Variants in ATG10 observed in about 807,000 individuals in gnomAD.
ATG10 encodes ubiquitin-like-conjugating enzyme ATG10.
A neutral mutation model predicts 32.1 loss-of-function variants in ATG10; 30 were observed. The observed-to-expected ratio is 0.94, with a 90% CI of 0.70 to 1.27. The LOEUF (loss-of-function observed/expected upper bound fraction) is 1.27. Among genes scored for constraint, ATG10 ranks in the 50% most tolerant of loss-of-function variants. The pLI is 0.00. For missense variants in ATG10, 233 were observed against 262.3 expected (o/e 0.89, Z 0.77); for synonymous variants, 87 against 91.5 (o/e 0.95, Z 0.28).
At chr5:82,063,835 A>C (rs1392677366) in intron 3 of ATG10, among the ~76,000 whole-genome samples, 3 of 152,100 alleles carry the variant, frequency 2.0e-5, no homozygotes, top group Non-Finnish European at 2.9e-5. Context: ...CAGAGGGTAG[A>C]GGGTCAAAAG....
intron 3 of ATG10, among the ~76,000 whole-genome samples, chr5:82,154,499 A>C (rs1015669074): frequency 1.3e-5 from 2 of 152,232 alleles, no homozygotes; most frequent in African/African-American, 4.8e-5. Context: ...ACAAGTGAAG[A>C]AACTGAGGCA....
intron 3 of ATG10, among the ~76,000 whole-genome samples, chr5:82,124,650 A>C (rs1047123827): frequency 1.3e-5 from 2 of 151,898 alleles, no homozygotes; most frequent in Non-Finnish European, 2.9e-5. Flanking sequence ...AGGGTATTCC[A>C]TGGTGTATAT....
chr5:82,255,216 C>G lies in ATG10; in HGVS notation c.*1153C>G, dbSNP rs1747421667. ...TCATCTTTAATTTGAAACTAACAAG[C>G]TACCTCATAGGGTTGCTGTGAGAAC... is the stretch of plus-strand genomic sequence containing the variant. On this transcript the variant is annotated 3_prime_UTR_variant, in exon 8 of 8. Transcript: ENST00000282185. The G allele has an allele frequency of 6.6e-6, 1 of 152,142 alleles. No individual in the cohort carries two copies. Among genetic ancestry groups the G allele is most frequent in the African/African-American group, 2.4e-5 (1 of 41,444 alleles). 9.4% of individuals were successfully genotyped at this position (152,142 alleles called of 1,614,324 possible).
chr5:82,103,263 A>G (rs1184641626), intron 3 of ATG10, among the ~76,000 whole-genome samples: 1 of 152,194 alleles, frequency 6.6e-6, no homozygotes, highest in African/African-American at 2.4e-5. Flanking sequence ...AAAATGTAAA[A>G]TAATTTATTT....
intron 5 of ATG10, 39 bp from the exon 6 acceptor site, chr5:82,252,523 T>C: frequency 8.0e-7 from 1 of 1,250,266 alleles, no homozygotes; most frequent in Non-Finnish European, 1.1e-6. Flanking sequence ...CTTTTCAAAG[T>C]AACTCACACT....
At chr5:82,085,234 A>T (rs1764636796) in intron 3 of ATG10, among the ~76,000 whole-genome samples, 1 of 150,734 alleles carries the variant, frequency 6.6e-6, no homozygotes, top group South Asian at 2.1e-4. Context: ...AGAGACAAAG[A>T]AGGCCATTAC....
intron 3 of ATG10, among the ~76,000 whole-genome samples, chr5:82,158,212 C>T (rs528231476): frequency 6.6e-6 from 1 of 152,178 alleles, no homozygotes; most frequent in South Asian, 2.1e-4. Flanking sequence ...TAATGTGAAC[C>T]ATTTAATCTT....
At chr5:82,122,082 C>T (rs551903982) in intron 3 of ATG10, among the ~76,000 whole-genome samples, 1 of 151,606 alleles carries the variant, frequency 6.6e-6, no homozygotes, top group East Asian at 1.9e-4. Flanking sequence ...CTTCTTTGTA[C>T]ACCTGGTAGA....
chr5:82,023,224 T>C (rs1432685753), intron 2 of ATG10, among the ~76,000 whole-genome samples: 1 of 152,050 alleles, frequency 6.6e-6, no homozygotes, highest in Non-Finnish European at 1.5e-5. Flanking sequence ...TTGTGTATTA[T>C]ATTAGGCGCT....
intron 3 of ATG10, among the ~76,000 whole-genome samples, chr5:82,116,322 T>C (rs572341871): frequency 6.6e-6 from 1 of 152,234 alleles, no homozygotes; most frequent in East Asian, 1.9e-4. Flanking sequence ...ATAATAATTA[T>C]GATTATTCAA....
intron 5 of ATG10, among the ~76,000 whole-genome samples, chr5:82,196,888 T>A (rs1241811093): frequency 6.6e-6 from 1 of 152,322 alleles, no homozygotes; most frequent in East Asian, 1.9e-4. Flanking sequence ...TCTATGCATT[T>A]CCATATGAAT....
chr5:82,052,387 A>G (rs1763459193), intron 2 of ATG10, among the ~76,000 whole-genome samples: 1 of 152,122 alleles, frequency 6.6e-6, no homozygotes, highest in African/African-American at 2.4e-5. Context: ...TCTCCATCCA[A>G]AATGCAATCG....
At chr5:82,202,913 GAAGA>G (rs530433581) in intron 5 of ATG10, among the ~76,000 whole-genome samples, 1 of 152,062 alleles carries the variant, frequency 6.6e-6, no homozygotes. Flanking sequence ...GGGTATGAGA[GAAGA>G]AAGAAAGAAA....
At chr5:82,047,060 AAACAT>A (rs1402311248) in intron 2 of ATG10, among the ~76,000 whole-genome samples, 7 of 152,032 alleles carry the variant, frequency 4.6e-5, no homozygotes, top group Non-Finnish European at 1.0e-4. Context: ...GTGAGCAAAC[AAACAT>A]AATATGGCAA....
intron 5 of ATG10, among the ~76,000 whole-genome samples, chr5:82,197,460 CTA>C (rs2149956321): frequency 5.6e-5 from 1 of 17,710 alleles, no homozygotes; most frequent in African/African-American, 6.0e-4. Context: ...ATCTGTCTAT[CTA>C]CCTACCTACC....
rs1199787475 is a variant in ATG10, at chr5:82,254,983, GATA to G, written c.*924_*926del. ...GAAAAAACACAATATTTTACTGTGAGATAATATGTTTTACCAGCAAAGTGTGGC... is the reference window on the plus strand; with the variant it reads ...GAAAAAACACAATATTTTACTGTGAGATATGTTTTACCAGCAAAGTGTGGC... On this transcript the variant is annotated 3_prime_UTR_variant, in exon 8 of 8. Transcript: ENST00000282185. The G allele has an allele frequency of 1.3e-5, 2 of 151,954 alleles. No homozygotes were observed. The highest frequency in any genetic ancestry group is 2.9e-5 in the Non-Finnish European group (2 of 67,994). 9.4% of individuals were successfully genotyped at this position (151,954 alleles called of 1,614,324 possible).
intron 3 of ATG10, among the ~76,000 whole-genome samples, chr5:82,130,704 G>A (rs1177275576): frequency 1.3e-5 from 2 of 152,128 alleles, no homozygotes; most frequent in Non-Finnish European, 2.9e-5. Flanking sequence ...AGTGAGATGA[G>A]CCGGGCACGT....
intron 2 of ATG10, among the ~76,000 whole-genome samples, chr5:82,038,190 G>A (rs770457287): frequency 1.3e-5 from 2 of 152,196 alleles, no homozygotes; most frequent in Non-Finnish European, 2.9e-5. Context: ...AAGCAGAGGA[G>A]GAAGAGTCAC....
intron 3 of ATG10, among the ~76,000 whole-genome samples, chr5:82,135,142 T>C (rs1228466181): frequency 6.6e-6 from 1 of 152,176 alleles, no homozygotes; most frequent in Non-Finnish European, 1.5e-5. Context: ...TGGCTAGCCG[T>C]CCATCTATTT....
Sources: allele counts gnomAD v4.1 joint callset (sites outside exome capture counted in the v4.1 genomes callset), GRCh38; gene constraint gnomAD v4.1.1; transcripts MANE v1.5; gene names NCBI Gene and HGNC (gene_info 2026-07-23, HGNC 2026-07-21).